The following DPP10 variants were observed in gnomAD, a reference collection of about 807,000 sequenced individuals.
DPP10 encodes the protein inactive dipeptidyl peptidase 10.
DPP10 carries 33 observed loss-of-function variants against 120.9 expected under a neutral mutation model. The observed-to-expected ratio is 0.27, with a 90% CI of 0.21 to 0.37. The LOEUF (loss-of-function observed/expected upper bound fraction) is 0.37, where lower values mean the gene tolerates loss of function less well. Ranked by LOEUF, DPP10 falls within the 10% of genes least tolerant of loss-of-function variation. The probability of loss-of-function intolerance (pLI) is 1.00; values close to 1 mark genes in which losing one functional copy is unlikely to be tolerated. For missense variants in DPP10, 816 were observed against 942.8 expected, an observed-to-expected ratio of 0.87 and a Z score of 1.76; for synonymous variants, 337 against 326.1, an observed-to-expected ratio of 1.03 and a Z score of -0.36.
intron 5 of DPP10, among the ~76,000 whole-genome samples, chr2:115,552,965 C>G (rs755012396): frequency 1.2e-4 from 18 of 152,120 alleles, no homozygotes; most frequent in African/African-American, 4.1e-4. Context: ...AAGTTTGAAA[C>G]TAGGTTTATT....
intron 1 of DPP10, among the ~76,000 whole-genome samples, chr2:114,764,814 A>G (rs1329721655): frequency 2.6e-5 from 4 of 152,174 alleles, no homozygotes; most frequent in Non-Finnish European, 5.9e-5. Context: ...CTATGCATTT[A>G]ATATTTTGGC....
intron 1 of DPP10, among the ~76,000 whole-genome samples, chr2:115,054,968 A>T (rs1386084728): frequency 6.6e-5 from 10 of 152,092 alleles, no homozygotes; most frequent in Non-Finnish European, 5.9e-5. Flanking sequence ...TTCACAATAT[A>T]ATAGGTTTGG....
At chr2:115,519,944 C>T (rs1442006725) in intron 4 of DPP10, among the ~76,000 whole-genome samples, 2 of 152,150 alleles carry the variant, frequency 1.3e-5, no homozygotes, top group Non-Finnish European at 2.9e-5. Flanking sequence ...TGATAGATGG[C>T]TTTTCTAAAT....
At chr2:115,506,612 T>G (rs1289054320) in intron 4 of DPP10, among the ~76,000 whole-genome samples, 3 of 152,128 alleles carry the variant, frequency 2.0e-5, no homozygotes, top group African/African-American at 7.2e-5. Flanking sequence ...ATTTGTGGAA[T>G]TTTTACTTAA....
intron 5 of DPP10, among the ~76,000 whole-genome samples, chr2:115,629,717 G>A (rs1223086223): frequency 2.0e-5 from 3 of 152,160 alleles, no homozygotes; most frequent in African/African-American, 7.2e-5. Context: ...GGTTGTAGAT[G>A]TGTGGTGTTA....
intron 1 of DPP10, among the ~76,000 whole-genome samples, chr2:114,703,508 A>G (rs1700508341): frequency 6.6e-6 from 1 of 152,198 alleles, no homozygotes; most frequent in Non-Finnish European, 1.5e-5. Flanking sequence ...ATTTACCTTT[A>G]TATTAAAATA....
chr2:114,801,268 A>T (rs567697022), intron 1 of DPP10, among the ~76,000 whole-genome samples: 1 of 98,064 alleles, frequency 1.0e-5, no homozygotes, highest in Non-Finnish European at 2.2e-5. Context: ...GTATCAAAAA[A>T]AAAAAAAAAA....
intron 3 of DPP10, among the ~76,000 whole-genome samples, chr2:115,363,558 G>A (rs554313789): frequency 6.6e-6 from 1 of 152,318 alleles, no homozygotes; most frequent in African/African-American, 2.4e-5. Context: ...AGGAGACATG[G>A]TGCGCAAGTT....
At chr2:114,929,871 G>A (rs1026045284) in intron 1 of DPP10, among the ~76,000 whole-genome samples, 15 of 152,218 alleles carry the variant, frequency 9.9e-5, no homozygotes, top group African/African-American at 3.6e-4. Context: ...AGAGACTGCA[G>A]TAACGACAGG....
At chr2:115,431,139 G>A (rs904888619) in intron 3 of DPP10, among the ~76,000 whole-genome samples, 1 of 152,180 alleles carries the variant, frequency 6.6e-6, no homozygotes, top group Non-Finnish European at 1.5e-5. Context: ...TATAGCTCGC[G>A]AAAGCGAAGG....
intron 5 of DPP10, among the ~76,000 whole-genome samples, chr2:115,578,217 C>A (rs992787128): frequency 1.3e-5 from 2 of 152,120 alleles, no homozygotes; most frequent in Non-Finnish European, 2.9e-5. Flanking sequence ...GAAATACTCT[C>A]TTCACAGTAT....
At chr2:114,834,004 T>C (rs1687377789) in intron 1 of DPP10, 1 of 151,982 alleles carries the variant, frequency 6.6e-6, no homozygotes, top group African/African-American at 2.4e-5. Flanking sequence ...TAGGTGTATA[T>C]GTACATGTAT....
intron 1 of DPP10, among the ~76,000 whole-genome samples, chr2:114,969,378 A>T (rs893699419): frequency 6.6e-6 from 1 of 152,224 alleles, no homozygotes; most frequent in Non-Finnish European, 1.5e-5. Context: ...TAGTATTTTG[A>T]CAATATAAGG....
rs555605944 is a variant in DPP10 at position 114,704,375 on chromosome 2, C to A, written c.60+261537C>A. ...AGGCTGATTGAATGATCATTCCAGG[C>A]CTCAGTAGGGATGCAGAGATAGGGA... On this transcript the variant is annotated intron_variant, in intron 1 of 25. Coordinates refer to ENST00000410059, the MANE Select transcript of DPP10 (RefSeq NM_020868.6). Among the ~76,000 whole-genome samples, 11 of 152,168 alleles carry A rather than the reference C, an allele frequency of 7.2e-5. No homozygotes were observed. In the East Asian group the frequency reaches 2.1e-3, roughly 29 times the overall value.
intron 3 of DPP10, among the ~76,000 whole-genome samples, chr2:115,483,446 T>C (rs879717604): frequency 2.7e-5 from 2 of 73,830 alleles, no homozygotes; most frequent in Admixed American, 1.7e-4. Context: ...TGTCTATCTA[T>C]CTATCTATCT....
chr2:115,005,485 T>C (rs1701754293), intron 1 of DPP10, among the ~76,000 whole-genome samples: 1 of 151,118 alleles, frequency 6.6e-6, no homozygotes. Flanking sequence ...TTTAGAAGAA[T>C]GTATAACTAG....
intron 4 of DPP10, among the ~76,000 whole-genome samples, chr2:115,524,988 AAAAC>A (rs969488010): frequency 2.6e-5 from 4 of 152,108 alleles, no homozygotes; most frequent in African/African-American, 9.7e-5. Context: ...CAAACAAACA[AAAAC>A]AAAACAAAGA....
chr2:114,736,434 T>A (rs972127229), intron 1 of DPP10, among the ~76,000 whole-genome samples: 28 of 152,210 alleles, frequency 1.8e-4, no homozygotes, highest in African/African-American at 6.5e-4. Flanking sequence ...TGGATTTACA[T>A]GCATACAGGG....
intron 5 of DPP10, among the ~76,000 whole-genome samples, chr2:115,651,451 A>C (rs2087762717): frequency 6.6e-6 from 1 of 152,046 alleles, no homozygotes; most frequent in South Asian, 2.1e-4. Flanking sequence ...TCAAGTAGAA[A>C]GTTAATTAAT....
Sources: allele counts gnomAD v4.1 joint callset (sites outside exome capture counted in the v4.1 genomes callset), GRCh38; gene constraint gnomAD v4.1.1; transcripts MANE v1.5; gene names NCBI Gene and HGNC (gene_info 2026-07-23, HGNC 2026-07-21).